The following CNTNAP2 variants were observed in gnomAD, a reference collection of about 807,000 sequenced individuals.
CNTNAP2 encodes contactin associated protein 2.
A neutral mutation model predicts 155.2 loss-of-function variants in CNTNAP2; 98 were observed. The ratio of observed to expected loss-of-function variants is 0.63; its 90% CI spans 0.54 to 0.75. The LOEUF (loss-of-function observed/expected upper bound fraction) is 0.75. CNTNAP2 is among the 30% of genes least tolerant of loss of function. The pLI, the probability that CNTNAP2 is intolerant of heterozygous loss-of-function variation, is 0.00. For missense variants in CNTNAP2, 1,727 were observed against 1,688.1 expected, an observed-to-expected ratio of 1.02 and a Z score of -0.40; for synonymous variants, 651 against 631.2, an observed-to-expected ratio of 1.03 and a Z score of -0.47.
intron 18 of CNTNAP2, among the ~76,000 whole-genome samples, chr7:148,187,378 G>A (rs917500571): frequency 6.6e-6 from 1 of 152,114 alleles, no homozygotes; most frequent in Non-Finnish European, 1.5e-5. Flanking sequence ...TTACAAAGAA[G>A]CTGATTTGCA....
chr7:146,159,804 C>T (rs886070957), intron 1 of CNTNAP2, among the ~76,000 whole-genome samples: 2 of 152,110 alleles, frequency 1.3e-5, no homozygotes, highest in African/African-American at 2.4e-5. Flanking sequence ...GATTTTAACA[C>T]CCCACTGTCA....
At chr7:146,498,542 T>C (rs1337611178) in intron 1 of CNTNAP2, among the ~76,000 whole-genome samples, 4 of 152,206 alleles carry the variant, frequency 2.6e-5, no homozygotes, top group African/African-American at 7.2e-5. Flanking sequence ...TTGGATCAAA[T>C]TGGACTTTAG....
intron 21 of CNTNAP2, among the ~76,000 whole-genome samples, chr7:148,357,039 C>T (rs182685572): frequency 1.1e-4 from 16 of 152,244 alleles, no homozygotes; most frequent in Admixed American, 8.5e-4. Context: ...ATATCCATCC[C>T]TAGTACTTTG....
At chr7:147,243,232 A>G (rs1048298738) in intron 8 of CNTNAP2, among the ~76,000 whole-genome samples, 1 of 151,848 alleles carries the variant, frequency 6.6e-6, no homozygotes, top group East Asian at 1.9e-4. Flanking sequence ...TCCTGACCTC[A>G]TGATCCACCT....
At chr7:146,475,112 C>T (rs1458302857) in intron 1 of CNTNAP2, among the ~76,000 whole-genome samples, 3 of 152,004 alleles carry the variant, frequency 2.0e-5, no homozygotes, top group Admixed American at 2.0e-4. Context: ...TATTTTTCTG[C>T]AGACTGGATG....
intron 3 of CNTNAP2, among the ~76,000 whole-genome samples, chr7:146,931,716 A>G: frequency 6.7e-6 from 1 of 149,736 alleles, no homozygotes; most frequent in African/African-American, 2.5e-5. Context: ...AAAAAGAGAG[A>G]AGAATCAAAT....
chr7:148,263,261 C>G (rs1385431073), intron 20 of CNTNAP2: 1 of 152,206 alleles, frequency 6.6e-6, no homozygotes, highest in Non-Finnish European at 1.5e-5. Context: ...AACTGTACAG[C>G]ATGACCCATT....
chr7:147,377,364 C>A (rs970956508), intron 9 of CNTNAP2, among the ~76,000 whole-genome samples: 2 of 151,712 alleles, frequency 1.3e-5, no homozygotes, highest in Admixed American at 1.3e-4. Context: ...CTATAGTCTA[C>A]TTTTTGTCCT....
chr7:146,778,586 A>G (rs1802430391), intron 2 of CNTNAP2, among the ~76,000 whole-genome samples: 1 of 152,184 alleles, frequency 6.6e-6, no homozygotes, highest in South Asian at 2.1e-4. Context: ...AGTTAGTAGC[A>G]CTTAGATGTG....
intron 12 of CNTNAP2, among the ~76,000 whole-genome samples, chr7:147,590,944 T>C (rs1407900978): frequency 6.6e-6 from 1 of 152,196 alleles, no homozygotes; most frequent in Non-Finnish European, 1.5e-5. Context: ...TGAGCTTTTA[T>C]GGTTCTAATA....
intron 3 of CNTNAP2, among the ~76,000 whole-genome samples, chr7:146,840,590 A>G (rs1803703421): frequency 6.6e-6 from 1 of 152,114 alleles, no homozygotes; most frequent in African/African-American, 2.4e-5. Flanking sequence ...AAACCAGAAG[A>G]AGAAGAAGAA....
chr7:147,245,466 C>T (rs1312328536), intron 8 of CNTNAP2, among the ~76,000 whole-genome samples: 5 of 151,940 alleles, frequency 3.3e-5, no homozygotes, highest in Non-Finnish European at 7.4e-5. Flanking sequence ...GTCCAGACAG[C>T]CACTGCCAGT....
intron 13 of CNTNAP2, among the ~76,000 whole-genome samples, chr7:147,748,823 A>G (rs1042481367): frequency 1.3e-5 from 2 of 152,168 alleles, no homozygotes; most frequent in African/African-American, 4.8e-5. Flanking sequence ...TCACCTGATG[A>G]GAAGTTCTAC....
intron 23 of CNTNAP2, among the ~76,000 whole-genome samples, chr7:148,413,285 G>A (rs10480291): frequency 1.7e-4 from 26 of 148,782 alleles, no homozygotes; most frequent in Non-Finnish European, 3.1e-4. Flanking sequence ...CCAGCTACTC[G>A]GGAGGCTGAG....
chr7:147,827,943 A>G (rs980387705), intron 13 of CNTNAP2, among the ~76,000 whole-genome samples: 4 of 152,204 alleles, frequency 2.6e-5, no homozygotes, highest in South Asian at 2.1e-4. Context: ...TCCCTAAAGA[A>G]AGCCATTCTT....
At position 148,383,750 on chromosome 7, in the gene CNTNAP2, G is replaced by A. The variant is rs751491210; in HGVS notation, c.3577G>A (p.Ala1193Thr). The change falls in exon 22 of 24, where the codon GCC becomes ACC. Residue 1193 changes from alanine (A) to threonine (T), a missense_variant. Physicochemically the swap from Ala to Thr is moderately conservative, Grantham distance 58. Transcript: ENST00000361727. Reference protein sequence around the residue: ...QFNQIAPLKAALRQTNASAHV... With the variant: ...QFNQIAPLKATLRQTNASAHV... Reference sequence around the variant, plus strand: ...CAACCAGATCGCCCCTCTCAAGGCCGCCTTGAGGCAGACAAACGCCTCGGC... The same window carrying A: ...CAACCAGATCGCCCCTCTCAAGGCCACCTTGAGGCAGACAAACGCCTCGGC... 38 of 1,614,044 alleles carry A rather than the reference G, an allele frequency of 2.4e-5. No homozygotes were observed. The highest frequency in any genetic ancestry group is 1.6e-4 in the Middle Eastern group (1 of 6,084).
chr7:146,638,254 G>A (rs911535386), intron 1 of CNTNAP2, among the ~76,000 whole-genome samples: 1 of 152,094 alleles, frequency 6.6e-6, no homozygotes, highest in African/African-American at 2.4e-5. Flanking sequence ...AGCATTAGGA[G>A]AAATCCCTGT....
chr7:147,278,577 A>G (rs2116720647), intron 8 of CNTNAP2, among the ~76,000 whole-genome samples: 1 of 151,862 alleles, frequency 6.6e-6, no homozygotes, highest in Admixed American at 6.6e-5. Context: ...CAGTGGGTGT[A>G]AAATCAAACC....
intron 8 of CNTNAP2, among the ~76,000 whole-genome samples, chr7:147,258,356 G>T (rs1312370535): frequency 6.6e-6 from 1 of 152,022 alleles, no homozygotes; most frequent in African/African-American, 2.4e-5. Context: ...TTTGCATTAG[G>T]AGCATTCAAT....
Sources: allele counts gnomAD v4.1 joint callset (sites outside exome capture counted in the v4.1 genomes callset), GRCh38; gene constraint gnomAD v4.1.1; transcripts MANE v1.5; gene names NCBI Gene and HGNC (gene_info 2026-07-23, HGNC 2026-07-21).